Variants in MAST2 observed in about 807,000 individuals in gnomAD.
MAST2 encodes microtubule associated serine/threonine kinase 2, also known as microtubule-associated serine/threonine-protein kinase 2.
A neutral mutation model predicts 147.4 loss-of-function variants in MAST2; 70 were observed. The observed-to-expected ratio is 0.47, with a 90% CI of 0.39 to 0.58. The LOEUF (loss-of-function observed/expected upper bound fraction) is 0.58, where lower values mean the gene tolerates loss of function less well. Among genes scored for constraint, MAST2 ranks in the 20% least tolerant of loss-of-function variants. The pLI, the probability that MAST2 is intolerant of heterozygous loss-of-function variation, is 0.00. For missense variants in MAST2, 2,080 were observed against 2,302.3 expected (o/e 0.90, Z 1.98); for synonymous variants, 869 against 896.8 (o/e 0.97, Z 0.55).
rs1646260608 is a variant in MAST2, at chr1:46,023,170, C to T, written c.1486-63C>T. 1 of 1,462,968 alleles carries T rather than the reference C, an allele frequency of 6.8e-7. No individual in the cohort carries two copies. The highest frequency in any genetic ancestry group is 1.7e-5 in the Admixed American group (1 of 59,738). The allele number at this position is 1,462,968 out of a possible 1,614,324, so 90.6% of individuals were successfully genotyped here. On this transcript the variant is annotated intron_variant, in intron 13 of 28. Transcript: ENST00000361297. The surrounding 1 kb of genome is among the most constrained non-coding windows in gnomAD (Gnocchi z 4.9). ...AGCTGAGAAGATGCTAGAGCCACAG[C>T]TTCTGCAAGGATATGGGCTCTGAGA...
At position 46,021,952 on chromosome 1, in the gene MAST2, G is replaced by T. The variant is rs1263915519; in HGVS notation, c.1293G>T (p.Glu431Asp). Reference protein sequence around the residue: ...ARPARLLECLEFDPEEFYHLL... With the variant: ...ARPARLLECLDFDPEEFYHLL... ...ACTATCTCTCTCCCTTGGTACAGGA[G>T]TTTGACCCTGAAGAGTTCTACCACC... is the stretch of plus-strand genomic sequence containing the variant. The change falls in exon 12 of 29, where the codon GAG becomes GAT. Residue 431 changes from glutamate to aspartate, a missense_variant and splice_region_variant. This residue lies in a region of MAST2 where 569 missense variants were observed against 642.5 expected (regional missense o/e 0.89). Transcript: ENST00000361297. The T allele has an allele frequency of 1.2e-6, 2 of 1,614,164 alleles. No homozygotes were observed. The highest frequency in any genetic ancestry group is 2.2e-5 in the East Asian group (1 of 44,890).
chr1:45,949,533 C>T (rs764245745), intron 4 of MAST2, among the ~76,000 whole-genome samples: 11 of 152,132 alleles, frequency 7.2e-5, no homozygotes, highest in Non-Finnish European at 1.6e-4. Context: ...CATTTCACAC[C>T]AGTCAGAATG....
chr1:45,863,721 A>G (rs1185648315), intron 3 of MAST2, among the ~76,000 whole-genome samples: 5 of 152,170 alleles, frequency 3.3e-5, no homozygotes, highest in Middle Eastern at 3.2e-3. Flanking sequence ...AGCTATTGCT[A>G]TATTTACACC....
intron 5 of MAST2, among the ~76,000 whole-genome samples, chr1:45,995,696 C>T (rs938375585): frequency 2.0e-5 from 3 of 152,202 alleles, no homozygotes; most frequent in Admixed American, 6.5e-5. Flanking sequence ...GCATGACAGG[C>T]GTGAGCCACT....
At chr1:45,886,416 A>T (rs888514887) in intron 4 of MAST2, among the ~76,000 whole-genome samples, 6 of 151,816 alleles carry the variant, frequency 4.0e-5, no homozygotes, top group Admixed American at 2.0e-4. Flanking sequence ...TGCAAACATC[A>T]TCTATGCCTG....
In MAST2 at chr1:45,845,986, T is replaced by C. The variant is rs190983159; in HGVS notation, c.468+16405T>C. ...TGTGTTAGCCAGGGTGGTCTCGAAC[T>C]CCTGACCTTGTGATCTGCCCGCCTC... On this transcript the variant is annotated intron_variant, in intron 3 of 28. Transcript: ENST00000361297. Among the ~76,000 whole-genome samples the C allele has an allele frequency of 1.3e-4, 20 of 152,310 alleles. No individual in the cohort carries two copies. The East Asian group carries it at 3.9e-3, about 29-fold the overall frequency.
chr1:45,902,046 C>T (rs182111136), intron 4 of MAST2, among the ~76,000 whole-genome samples: 5 of 152,080 alleles, frequency 3.3e-5, no homozygotes, highest in African/African-American at 1.2e-4. Flanking sequence ...TGGACATCCT[C>T]GTGTTGTTCC....
intron 5 of MAST2, among the ~76,000 whole-genome samples, chr1:45,970,704 G>A (rs1400557427): frequency 6.8e-6 from 1 of 146,922 alleles, no homozygotes; most frequent in Middle Eastern, 3.3e-3. Context: ...TTCTGCTCTG[G>A]TAAGTTGTAC....
chr1:45,975,249 C>G (rs1304089487), intron 5 of MAST2, among the ~76,000 whole-genome samples: 17 of 152,000 alleles, frequency 1.1e-4, no homozygotes, highest in Non-Finnish European at 2.9e-5. Context: ...ATTTGTAACC[C>G]AAGCTAGTCA....
chr1:45,915,481 C>G (rs181383094), intron 4 of MAST2, among the ~76,000 whole-genome samples: 3 of 152,054 alleles, frequency 2.0e-5, no homozygotes, highest in Non-Finnish European at 4.4e-5. Context: ...GAGGCCGAGG[C>G]GGGCGGATCA....
chr1:45,836,892 G>T (rs1193041548), intron 3 of MAST2, among the ~76,000 whole-genome samples: 1 of 152,138 alleles, frequency 6.6e-6, no homozygotes, highest in Admixed American at 6.6e-5. Context: ...TCCACAGATG[G>T]GTGGAGGGGG....
At chr1:45,969,173 CAT>C (rs1643786794) in intron 5 of MAST2, among the ~76,000 whole-genome samples, 1 of 152,204 alleles carries the variant, frequency 6.6e-6, no homozygotes, top group Admixed American at 6.5e-5. Flanking sequence ...ACATTCCTGT[CAT>C]ATCTGACTCT....
intron 2 of MAST2, among the ~76,000 whole-genome samples, chr1:45,826,853 G>A (rs138024468): frequency 0.02 from 2,971 of 151,280 alleles, 42 homozygotes; most frequent in Non-Finnish European, 0.033. Flanking sequence ...TATTTTTGAC[G>A]GAGTCTTACT....
intron 4 of MAST2, among the ~76,000 whole-genome samples, chr1:45,918,323 A>G (rs909550611): frequency 1.3e-5 from 2 of 152,250 alleles, no homozygotes; most frequent in Non-Finnish European, 1.5e-5. Context: ...GGCCTGATCT[A>G]GGAGCTTGCT....
At chr1:46,026,738 C>T (rs989362581) in intron 16 of MAST2, among the ~76,000 whole-genome samples, 2 of 152,076 alleles carry the variant, frequency 1.3e-5, no homozygotes, top group Non-Finnish European at 2.9e-5. Context: ...ACAGAAGAGG[C>T]TGGGATGTGT....
chr1:46,011,369 TG>T (rs1645709057), intron 10 of MAST2, among the ~76,000 whole-genome samples: 1 of 152,140 alleles, frequency 6.6e-6, no homozygotes, highest in Non-Finnish European at 1.5e-5. Flanking sequence ...GCTTGCACAA[TG>T]GGTTTAGCCA....
chr1:45,851,284 G>C (rs977705977), intron 3 of MAST2, among the ~76,000 whole-genome samples: 7 of 151,958 alleles, frequency 4.6e-5, no homozygotes, highest in African/African-American at 1.7e-4. Context: ...GAATGTTACT[G>C]GTATATAGAA....
chr1:45,814,953 C>T (rs1428804981), intron 1 of MAST2, among the ~76,000 whole-genome samples: 5 of 152,114 alleles, frequency 3.3e-5, no homozygotes, highest in Non-Finnish European at 1.5e-5. Flanking sequence ...ATAGAATAGT[C>T]TCCCTAGGTT....
chr1:45,810,340 AG>A (rs1437670796), intron 1 of MAST2, among the ~76,000 whole-genome samples: 1 of 152,172 alleles, frequency 6.6e-6, no homozygotes, highest in Non-Finnish European at 1.5e-5. Context: ...TCTGCATTAC[AG>A]GGTTAGTACA....
Sources: allele counts gnomAD v4.1 joint callset (sites outside exome capture counted in the v4.1 genomes callset), GRCh38; gene constraint gnomAD v4.1.1; regional missense constraint gnomAD v4.1.1; non-coding constraint Gnocchi (gnomAD v3.1); transcripts MANE v1.5; gene names NCBI Gene and HGNC (gene_info 2026-07-23, HGNC 2026-07-21).